STAU2: variants seen among roughly 807,000 people sequenced by gnomAD.
STAU2 encodes the protein staufen double-stranded RNA binding protein 2, also known as double-stranded RNA-binding protein Staufen homolog 2.
A neutral mutation model predicts 65.9 loss-of-function variants in STAU2; 20 were observed. The ratio of observed to expected loss-of-function variants is 0.30; its 90% CI spans 0.21 to 0.44. The LOEUF (loss-of-function observed/expected upper bound fraction) is 0.44. Among genes scored for constraint, STAU2 ranks in the 20% least tolerant of loss-of-function variants. STAU2 has a pLI of 1.00. For synonymous variants in STAU2, 232 were observed against 233.9 expected (o/e 0.99, Z 0.07); for missense variants, 558 against 683.9 (o/e 0.82, Z 2.05).
At chr8:73,559,896 A>G (rs916861024) in intron 12 of STAU2, among the ~76,000 whole-genome samples, 3 of 152,142 alleles carry the variant, frequency 2.0e-5, no homozygotes, top group Non-Finnish European at 4.4e-5. Flanking sequence ...TCAAAAATCA[A>G]CAATGCAAAA....
At chr8:73,709,218 A>G (rs576473665) in intron 3 of STAU2, 56 bp from the exon 4 acceptor site, 2 of 1,366,322 alleles carry the variant, frequency 1.5e-6, no homozygotes, top group South Asian at 1.8e-5. Flanking sequence ...AAAATGGAAG[A>G]AAAACTAGTT....
chr8:73,524,714 A>C (rs1823250355), intron 13 of STAU2, among the ~76,000 whole-genome samples: 1 of 152,218 alleles, frequency 6.6e-6, no homozygotes. Flanking sequence ...TTCTCAGAAT[A>C]CCAATTCTGT....
intron 1 of STAU2, among the ~76,000 whole-genome samples, chr8:73,746,432 G>A (rs1188614893): frequency 1.3e-5 from 2 of 150,248 alleles, no homozygotes; most frequent in Admixed American, 1.3e-4. Flanking sequence ...CCGCAGCCGC[G>A]TTCCTGTCTC....
chr8:73,692,336 C>A (rs1325286057), intron 4 of STAU2, among the ~76,000 whole-genome samples: 1 of 151,966 alleles, frequency 6.6e-6, no homozygotes, highest in African/African-American at 2.4e-5. Context: ...TAGCTGGCAT[C>A]ACAGGCACAA....
chr8:73,746,153 C>T (rs1807258469), intron 1 of STAU2, among the ~76,000 whole-genome samples: 1 of 152,116 alleles, frequency 6.6e-6, no homozygotes, highest in African/African-American at 2.4e-5. Flanking sequence ...CCCCTCGGCC[C>T]CACCTACCCT....
intron 13 of STAU2, among the ~76,000 whole-genome samples, chr8:73,430,324 G>A (rs1817167457): frequency 6.6e-6 from 1 of 152,156 alleles, no homozygotes; most frequent in Non-Finnish European, 1.5e-5. Flanking sequence ...AGCTCAACAT[G>A]TTCAGGAAAA....
intron 6 of STAU2, among the ~76,000 whole-genome samples, chr8:73,621,039 T>G (rs1489505220): frequency 2.6e-5 from 4 of 152,234 alleles, no homozygotes; most frequent in Non-Finnish European, 4.4e-5. Flanking sequence ...ATATGTTCTA[T>G]TTAGTGGATT....
chr8:73,448,272 A>G (rs1818587092), intron 13 of STAU2, among the ~76,000 whole-genome samples: 1 of 151,914 alleles, frequency 6.6e-6, no homozygotes, highest in African/African-American at 2.4e-5. Context: ...ATAAGATTTT[A>G]ACGTTTGCTA....
chr8:73,522,074 T>C (rs898480427), intron 13 of STAU2, among the ~76,000 whole-genome samples: 2 of 152,152 alleles, frequency 1.3e-5, no homozygotes, highest in African/African-American at 2.4e-5. Context: ...AACTAGAAAT[T>C]AGAAGCTATA....
At chr8:73,422,024 C>T (rs931066648) in intron 14 of STAU2, among the ~76,000 whole-genome samples, 1 of 151,614 alleles carries the variant, frequency 6.6e-6, no homozygotes, top group Non-Finnish European at 1.5e-5. Context: ...TTTGGTGAGA[C>T]CTTCTGTTCA....
intron 13 of STAU2, among the ~76,000 whole-genome samples, chr8:73,429,929 CA>C (rs1817134798): frequency 6.6e-6 from 1 of 152,218 alleles, no homozygotes; most frequent in African/African-American, 2.4e-5. Flanking sequence ...GTGGGGAGCA[CA>C]CAGTGTCCCG....
At chr8:73,730,729 A>C (rs1221678046) in intron 3 of STAU2, among the ~76,000 whole-genome samples, 2 of 64,618 alleles carry the variant, frequency 3.1e-5, no homozygotes, top group African/African-American at 1.2e-4. Context: ...TACGTCTTTC[A>C]AAAAAAAAAA....
intron 6 of STAU2, among the ~76,000 whole-genome samples, chr8:73,630,960 A>C (rs1814050319): frequency 6.6e-6 from 1 of 152,192 alleles, no homozygotes; most frequent in Non-Finnish European, 1.5e-5. Flanking sequence ...TCACACGCTC[A>C]GTGGCACCCC....
chr8:73,500,096 C>T (rs745855042), intron 13 of STAU2, among the ~76,000 whole-genome samples: 7 of 151,812 alleles, frequency 4.6e-5, no homozygotes, highest in Non-Finnish European at 8.8e-5. Context: ...AAGCACAAGA[C>T]CCATTCTTTG....
chr8:73,561,752 A>G (rs1808250892), intron 12 of STAU2, among the ~76,000 whole-genome samples: 1 of 152,206 alleles, frequency 6.6e-6, no homozygotes, highest in Non-Finnish European at 1.5e-5. Context: ...TACAATAACA[A>G]TAATAATTCT....
chr8:73,522,144 A>G (rs1158548959), intron 13 of STAU2, among the ~76,000 whole-genome samples: 5 of 152,228 alleles, frequency 3.3e-5, no homozygotes, highest in African/African-American at 1.2e-4. Flanking sequence ...GATATTGACA[A>G]TGCAATCAGA....
chr8:73,607,000 G>T (rs1256438143), intron 9 of STAU2, among the ~76,000 whole-genome samples: 1 of 152,100 alleles, frequency 6.6e-6, no homozygotes, highest in African/African-American at 2.4e-5. Flanking sequence ...GGCAAATTAA[G>T]GTAGAAGATT....
At chr8:73,564,204 G>C (rs1032638550) in intron 12 of STAU2, among the ~76,000 whole-genome samples, 1 of 152,184 alleles carries the variant, frequency 6.6e-6, no homozygotes, top group Non-Finnish European at 1.5e-5. Flanking sequence ...TTCACTTGGA[G>C]TGCCGACAGA....
chr8:73,588,584 CG>C (rs1266386807), intron 11 of STAU2, among the ~76,000 whole-genome samples: 1 of 152,090 alleles, frequency 6.6e-6, no homozygotes, highest in Admixed American at 6.6e-5. Flanking sequence ...TTTAAGCCAC[CG>C]GGGGAAGGGT....
Sources: allele counts gnomAD v4.1 joint callset (sites outside exome capture counted in the v4.1 genomes callset), GRCh38; gene constraint gnomAD v4.1.1; transcripts MANE v1.5; gene names NCBI Gene and HGNC (gene_info 2026-07-23, HGNC 2026-07-21).